Variants in MBD5 observed in about 807,000 individuals in gnomAD.
MBD5 encodes the protein methyl-CpG binding domain protein 5, also known as methyl-CpG-binding domain protein 5.
Under a neutral mutation model 117.3 loss-of-function variants are expected in MBD5, and 13 were observed. That is an observed-to-expected ratio of 0.11 (90% confidence interval 0.07 to 0.18). MBD5 has a LOEUF of 0.18. Among genes scored for constraint, MBD5 ranks in the 10% least tolerant of loss-of-function variants. MBD5 has a pLI of 1.00. For synonymous variants in MBD5, 727 were observed against 766.4 expected, an observed-to-expected ratio of 0.95 and a Z score of 0.85; for missense variants, 1,879 against 2,093.8, an observed-to-expected ratio of 0.90 and a Z score of 2.00.
At chr2:148,358,618 CAAA>C (rs35838466) in intron 4 of MBD5, among the ~76,000 whole-genome samples, 2 of 82,496 alleles carry the variant, frequency 2.4e-5, no homozygotes, top group Non-Finnish European at 4.7e-5. Context: ...ACTAAAAATA[CAAA>C]AAAAAAAAAA....
intron 1 of MBD5, among the ~76,000 whole-genome samples, chr2:148,104,678 T>TA (rs1397806333): frequency 6.6e-6 from 1 of 152,194 alleles, no homozygotes; most frequent in Non-Finnish European, 1.5e-5. Flanking sequence ...AGTAGCAAAT[T>TA]AGATTTGCCT....
chr2:148,485,631 C>T, intron 9 of MBD5, 111 bp from the exon 10 acceptor site: 1 of 804,064 alleles, frequency 1.2e-6, no homozygotes, highest in Non-Finnish European at 2.1e-6. Context: ...AAAGCATTAC[C>T]CAAGTAAGCA....
At chr2:148,083,578 A>G (rs1695702365) in intron 1 of MBD5, among the ~76,000 whole-genome samples, 3 of 152,032 alleles carry the variant, frequency 2.0e-5, no homozygotes, top group Non-Finnish European at 4.4e-5. Flanking sequence ...AAGGTCCTAT[A>G]TTACACCCTG....
At chr2:148,340,415 A>G (rs1702907247) in intron 3 of MBD5, among the ~76,000 whole-genome samples, 1 of 152,150 alleles carries the variant, frequency 6.6e-6, no homozygotes, top group Admixed American at 6.6e-5. Context: ...AAGGTATGAT[A>G]TCATGTAAAA....
chr2:148,025,559 A>C (rs1358643193), intron 1 of MBD5: 1 of 151,060 alleles, frequency 6.6e-6, no homozygotes, highest in Admixed American at 6.6e-5. Flanking sequence ...AAAAAAAAAA[A>C]AACACCCCAA....
intron 2 of MBD5, among the ~76,000 whole-genome samples, chr2:148,231,613 A>C (rs935952172): frequency 6.6e-6 from 1 of 152,054 alleles, no homozygotes; most frequent in Non-Finnish European, 1.5e-5. Flanking sequence ...GGAGATTTCT[A>C]TTCTGCCATC....
intron 3 of MBD5, among the ~76,000 whole-genome samples, chr2:148,333,064 A>G (rs1226768363): frequency 6.6e-6 from 1 of 151,762 alleles, no homozygotes; most frequent in Non-Finnish European, 1.5e-5. Flanking sequence ...TTGTTCCCTG[A>G]ATATTCTTTT....
intron 1 of MBD5, among the ~76,000 whole-genome samples, chr2:148,056,312 T>G (rs541657722): frequency 6.6e-6 from 1 of 152,284 alleles, no homozygotes; most frequent in South Asian, 2.1e-4. Context: ...TTGTTTGTTC[T>G]TTTCCAAACC....
intron 3 of MBD5, among the ~76,000 whole-genome samples, chr2:148,308,463 C>T (rs972305968): frequency 7.9e-6 from 1 of 127,182 alleles, no homozygotes; most frequent in East Asian, 2.4e-4. Flanking sequence ...TGTTCATATA[C>T]TTCTCCCACT....
At chr2:148,343,761 C>G (rs1475274560) in intron 4 of MBD5, among the ~76,000 whole-genome samples, 1 of 151,984 alleles carries the variant, frequency 6.6e-6, no homozygotes, top group Non-Finnish European at 1.5e-5. Flanking sequence ...TGTGGATTGT[C>G]TGTTTACTTT....
rs562124954 is a variant in MBD5 at position 148,022,501 on chromosome 2, G to T, written c.-925+817G>T. Among the ~76,000 whole-genome samples the T allele has an allele frequency of 7.9e-5, 12 of 152,164 alleles. No individual in the cohort carries two copies. The South Asian group carries it at 2.3e-3, about 29-fold the overall frequency. ...ATTAGCTATTTTATAATTAATCTGGGTATATTTGTAATCTTTGTAACTTGT... is the reference window on the plus strand; with the variant it reads ...ATTAGCTATTTTATAATTAATCTGGTTATATTTGTAATCTTTGTAACTTGT... On this transcript the variant is annotated intron_variant, in intron 1 of 13. Coordinates refer to ENST00000642680, the MANE Select transcript of MBD5 (RefSeq NM_001378120.1).
chr2:148,235,912 C>A (rs1204670524), intron 3 of MBD5, among the ~76,000 whole-genome samples: 1 of 152,106 alleles, frequency 6.6e-6, no homozygotes, highest in East Asian at 1.9e-4. Flanking sequence ...GATTCTCCCA[C>A]CTCAGCCTCC....
intron 1 of MBD5, among the ~76,000 whole-genome samples, chr2:148,023,455 AT>A (rs1454465030): frequency 2.6e-5 from 4 of 152,076 alleles, no homozygotes; most frequent in African/African-American, 7.2e-5. Flanking sequence ...ATATGATCTT[AT>A]TTCCCTTCTG....
At chr2:148,387,536 A>G (rs1704412649) in intron 4 of MBD5, among the ~76,000 whole-genome samples, 1 of 152,156 alleles carries the variant, frequency 6.6e-6, no homozygotes, top group African/African-American at 2.4e-5. Context: ...CACAGCAAGA[A>G]CAGAAAAGAA....
intron 1 of MBD5, among the ~76,000 whole-genome samples, chr2:148,051,641 G>GTGTGTA (rs1694707217): frequency 7.0e-6 from 1 of 142,510 alleles, no homozygotes; most frequent in African/African-American, 2.7e-5. Flanking sequence ...GTGTGTGTGT[G>GTGTGTA]TGTGTGTTGT....
Position 148,376,823 on chromosome 2 carries a change from A to T in MBD5, c.-557+34487A>T, listed in dbSNP as rs996580083. Reference sequence around the variant, plus strand: ...TTATATATAATATTATAATTTATATAATATATATAACATATATATAATTAT... The same window carrying T: ...TTATATATAATATTATAATTTATATTATATATATAACATATATATAATTAT... On this transcript the variant is annotated intron_variant, in intron 4 of 13. Coordinates refer to ENST00000642680, the MANE Select transcript of MBD5 (RefSeq NM_001378120.1). 2.7e-3 allele frequency among the ~76,000 whole-genome samples: 257 copies of T among 94,022 alleles called. 1 individual carries two copies. Among genetic ancestry groups the T allele is most frequent in the African/African-American group, 9.9e-3 (251 of 25,250 alleles). 61.7% of individuals were successfully genotyped at this position (94,022 alleles called of 152,430 possible).
At chr2:148,169,512 G>C (rs1453045497) in intron 1 of MBD5, among the ~76,000 whole-genome samples, 5 of 152,122 alleles carry the variant, frequency 3.3e-5, no homozygotes, top group Non-Finnish European at 7.4e-5. Flanking sequence ...ATCACTCACT[G>C]GTCTTCCCCA....
At chr2:148,233,023 T>A (rs1246255401) in intron 2 of MBD5, among the ~76,000 whole-genome samples, 1 of 152,186 alleles carries the variant, frequency 6.6e-6, no homozygotes, top group African/African-American at 2.4e-5. Flanking sequence ...TGATTTTGGT[T>A]TTCTGTACTG....
intron 4 of MBD5, among the ~76,000 whole-genome samples, chr2:148,432,769 G>GTT (rs1162548899): frequency 6.6e-6 from 1 of 152,096 alleles, no homozygotes; most frequent in African/African-American, 2.4e-5. Flanking sequence ...GGTTACTGTA[G>GTT]CCTCGTAGTA....
Sources: allele counts gnomAD v4.1 joint callset (sites outside exome capture counted in the v4.1 genomes callset), GRCh38; gene constraint gnomAD v4.1.1; transcripts MANE v1.5; gene names NCBI Gene and HGNC (gene_info 2026-07-23, HGNC 2026-07-21).